The following ANO4 variants were observed in gnomAD, a reference collection of about 807,000 sequenced individuals.
The protein encoded by ANO4 is anoctamin-4.
ANO4 carries 69 observed loss-of-function variants against 141.9 expected under a neutral mutation model. The ratio of observed to expected loss-of-function variants is 0.49; its 90% confidence interval spans 0.40 to 0.59. The LOEUF is 0.59. Ranked by LOEUF, ANO4 falls within the 20% of genes least tolerant of loss-of-function variation. The probability of loss-of-function intolerance (pLI) is 0.00; values close to 1 mark genes in which losing one functional copy is unlikely to be tolerated. For missense variants in ANO4, 894 were observed against 1,162.2 expected (o/e 0.77, Z 3.36); for synonymous variants, 350 against 394.3 (o/e 0.89, Z 1.33).
intron 15 of ANO4, among the ~76,000 whole-genome samples, chr12:101,081,168 A>C (rs1211982390): frequency 6.6e-6 from 1 of 151,784 alleles, no homozygotes; most frequent in East Asian, 1.9e-4. Context: ...TTCTGGTTAT[A>C]TGTGTTCATG....
intron 3 of ANO4, among the ~76,000 whole-genome samples, chr12:100,765,967 C>A (rs1227518610): frequency 1.3e-5 from 2 of 151,880 alleles, no homozygotes; most frequent in Non-Finnish European, 2.9e-5. Flanking sequence ...AATAAATCTC[C>A]AAAATTTATT....
At chr12:100,912,849 C>T (rs1023487941) in intron 2 of ANO4, among the ~76,000 whole-genome samples, 5 of 152,154 alleles carry the variant, frequency 3.3e-5, no homozygotes, top group Admixed American at 1.3e-4. Context: ...TGTTTTATTT[C>T]TCATTGCATT....
At chr12:100,973,170 C>G (rs963028704) in intron 6 of ANO4, among the ~76,000 whole-genome samples, 6 of 152,140 alleles carry the variant, frequency 3.9e-5, no homozygotes, top group African/African-American at 1.4e-4. Flanking sequence ...GTAGGTTTAC[C>G]TACTAAACAT....
At chr12:101,039,741 T>C (rs533563767) in intron 10 of ANO4, among the ~76,000 whole-genome samples, 1 of 152,334 alleles carries the variant, frequency 6.6e-6, no homozygotes, top group South Asian at 2.1e-4. Flanking sequence ...ACCTTCCTGA[T>C]TATAGCAAGC....
intron 1 of ANO4, among the ~76,000 whole-genome samples, chr12:100,819,977 C>T (rs1406065510): frequency 6.6e-6 from 1 of 151,914 alleles, no homozygotes; most frequent in African/African-American, 2.4e-5. Context: ...CTTTTGATCC[C>T]TGGTATCTGG....
At chr12:101,092,988 A>G (rs2049839875) in intron 17 of ANO4, among the ~76,000 whole-genome samples, 1 of 152,172 alleles carries the variant, frequency 6.6e-6, no homozygotes, top group South Asian at 2.1e-4. Flanking sequence ...ATATTAAAAT[A>G]TATTTGATTA....
intron 14 of ANO4, among the ~76,000 whole-genome samples, chr12:101,058,175 A>C (rs1288120682): frequency 6.6e-6 from 1 of 151,826 alleles, no homozygotes; most frequent in African/African-American, 2.4e-5. Flanking sequence ...TGGTTGTAGA[A>C]ATGTGGCGTT....
upstream of ANO4, among the ~76,000 whole-genome samples, chr12:100,791,800 C>A (rs1159484057): frequency 6.6e-6 from 1 of 152,140 alleles, no homozygotes; most frequent in Non-Finnish European, 1.5e-5. Flanking sequence ...CCCCAGGTGC[C>A]CCAGTGTACA....
At chr12:101,004,341 T>C (rs538726798) in intron 8 of ANO4, among the ~76,000 whole-genome samples, 5 of 152,020 alleles carry the variant, frequency 3.3e-5, no homozygotes, top group Non-Finnish European at 7.4e-5. Flanking sequence ...GATTCTGCCC[T>C]TGTGGTGCTG....
At chr12:100,918,587 G>A (rs548747891) in intron 2 of ANO4, among the ~76,000 whole-genome samples, 15 of 152,136 alleles carry the variant, frequency 9.9e-5, no homozygotes, top group Non-Finnish European at 2.2e-4. Flanking sequence ...AATTCCTATC[G>A]CCTAGTGATG....
At chr12:100,833,407 A>T (rs2036738071) in intron 1 of ANO4, among the ~76,000 whole-genome samples, 1 of 152,156 alleles carries the variant, frequency 6.6e-6, no homozygotes, top group Non-Finnish European at 1.5e-5. Context: ...ACTAATTTAT[A>T]TTCAAATTTG....
intron 16 of ANO4, 58 bp downstream of exon 16, chr12:101,083,876 C>T (rs2049380796): frequency 1.4e-6 from 2 of 1,413,644 alleles, no homozygotes; most frequent in Non-Finnish European, 9.4e-7. Context: ...AGCATAATAA[C>T]AGTAATCATA....
In ANO4 at chr12:101,120,513, T is replaced by C; in HGVS notation, c.2571-7T>C. 2 of 1,611,918 alleles carry C rather than the reference T, an allele frequency of 1.2e-6. No homozygotes were observed. The highest frequency in any genetic ancestry group is 1.7e-6 in the Non-Finnish European group (2 of 1,178,124). ...TTTGAATGCAACATTTTTCTGTGTCTTTATAGATACCGGGACTACCGTGAC... is the reference window on the plus strand; with the variant it reads ...TTTGAATGCAACATTTTTCTGTGTCCTTATAGATACCGGGACTACCGTGAC... On this transcript the variant is annotated splice_polypyrimidine_tract_variant and splice_region_variant and intron_variant, in intron 25 of 27. Transcript: ENST00000392977.
At chr12:100,893,360 A>G (rs1043409293) in intron 1 of ANO4, among the ~76,000 whole-genome samples, 2 of 152,034 alleles carry the variant, frequency 1.3e-5, no homozygotes, top group Non-Finnish European at 2.9e-5. Flanking sequence ...TCTATGAACC[A>G]ACAAACCCAA....
intron 4 of ANO4, among the ~76,000 whole-genome samples, chr12:100,941,000 T>A (rs2042487531): frequency 6.6e-6 from 1 of 152,168 alleles, no homozygotes; most frequent in Non-Finnish European, 1.5e-5. Flanking sequence ...GGAACCACCA[T>A]CTGATTTATG....
intron 1 of ANO4, among the ~76,000 whole-genome samples, chr12:100,723,639 C>T (rs1252804180): frequency 1.3e-5 from 2 of 152,176 alleles, no homozygotes; most frequent in African/African-American, 2.4e-5. Flanking sequence ...TTCTGAGGAA[C>T]ACACTCATGT....
intron 1 of ANO4, among the ~76,000 whole-genome samples, chr12:100,837,419 A>C (rs765570482): frequency 6.6e-6 from 1 of 152,052 alleles, no homozygotes; most frequent in Non-Finnish European, 1.5e-5. Context: ...CAGAGTTTAC[A>C]CTCCCTATCT....
chr12:101,083,563 G>A lies in ANO4; in HGVS notation c.1396-115G>A, dbSNP rs181214326. 58 of 1,297,614 alleles carry A rather than the reference G, an allele frequency of 4.5e-5. No individual in the cohort carries two copies. In the African/African-American group the frequency reaches 6.4e-4, roughly 14 times the overall value. 80.4% of individuals were successfully genotyped at this position (1,297,614 alleles called of 1,614,324 possible). ...GGCACCCAAACCCACTTCATTGGTTGACTAATTAGTGTGGCAGCTGTTGAC... is the reference window on the plus strand; with the variant it reads ...GGCACCCAAACCCACTTCATTGGTTAACTAATTAGTGTGGCAGCTGTTGAC... On this transcript the variant is annotated intron_variant, in intron 15 of 27. Transcript: ENST00000392977.
chr12:101,082,754 C>G (rs1000629923), intron 15 of ANO4, among the ~76,000 whole-genome samples: 7 of 152,234 alleles, frequency 4.6e-5, no homozygotes, highest in African/African-American at 1.7e-4. Flanking sequence ...TCCATGACCT[C>G]TCTTCTGTCA....
Sources: gnomAD v4.1 joint callset for allele counts (sites outside exome capture counted in the v4.1 genomes callset) on GRCh38, gnomAD v4.1.1 for gene constraint, MANE v1.5 for transcripts, NCBI Gene and HGNC (gene_info 2026-07-23, HGNC 2026-07-21) for gene names.